CD55: variants seen among roughly 807,000 people sequenced by gnomAD.
CD55 encodes CD55 molecule (Cromer blood group), also known as complement decay-accelerating factor.
CD55 carries 41 observed loss-of-function variants against 45.8 expected under a neutral mutation model. The observed-to-expected ratio is 0.90, with a 90% CI of 0.70 to 1.16. The LOEUF (loss-of-function observed/expected upper bound fraction) is 1.16, where lower values mean the gene tolerates loss of function less well. CD55 is among the 50% of genes most tolerant of loss of function. The probability of loss-of-function intolerance (pLI) is 0.00; values close to 1 mark genes in which losing one functional copy is unlikely to be tolerated. For missense variants in CD55, 416 were observed against 469.8 expected, an observed-to-expected ratio of 0.89 and a Z score of 1.06; for synonymous variants, 181 against 181.1, an observed-to-expected ratio of 1.00 and a Z score of 0.01.
At chr1:207,323,193 GAT>G (rs140125684) in intron 2 of CD55, among the ~76,000 whole-genome samples, 5 of 149,310 alleles carry the variant, frequency 3.3e-5, no homozygotes, top group African/African-American at 9.8e-5. Flanking sequence ...ATATAATTGG[GAT>G]ATATATATAT....
intron 9 of CD55, among the ~76,000 whole-genome samples, chr1:207,341,612 T>C (rs1411931624): frequency 6.6e-6 from 1 of 152,222 alleles, no homozygotes; most frequent in Non-Finnish European, 1.5e-5. Context: ...CATTATTCTG[T>C]GTGCCTGTTT....
At chr1:207,352,154 C>G (rs1655890281) in intron 9 of CD55, among the ~76,000 whole-genome samples, 1 of 150,912 alleles carries the variant, frequency 6.6e-6, no homozygotes, top group Non-Finnish European at 1.5e-5. Flanking sequence ...TGTTACAGAA[C>G]TTTCTAATTT....
At chr1:207,341,196 T>C (rs570819564) in intron 9 of CD55, among the ~76,000 whole-genome samples, 1 of 152,214 alleles carries the variant, frequency 6.6e-6, no homozygotes, top group Non-Finnish European at 1.5e-5. Context: ...TTTATAGATA[T>C]TTTCTTCCAT....
chr1:207,348,590 C>T (rs1655742563), intron 9 of CD55, among the ~76,000 whole-genome samples: 1 of 152,076 alleles, frequency 6.6e-6, no homozygotes, highest in Non-Finnish European at 1.5e-5. Flanking sequence ...TCCCACTTGT[C>T]AATTTTTGTT....
In CD55 at chr1:207,360,144, G is replaced by C. The variant is rs1558162361; in HGVS notation, c.*534G>C. 1 of 152,186 alleles carries C rather than the reference G, an allele frequency of 6.6e-6. No individual in the cohort carries two copies. Among genetic ancestry groups the C allele is most frequent in the Non-Finnish European group, 1.5e-5 (1 of 68,040 alleles). The allele number at this position is 152,186 out of a possible 1,614,324, so 9.4% of individuals were successfully genotyped here. On this transcript the variant is annotated 3_prime_UTR_variant, in exon 10 of 10. Transcript: ENST00000367064. Reference sequence around the variant, plus strand: ...GCAAAATATTTTAAAGGTAAAACATGCTGGTGAACCAGGGGTGTTGATGGT... The same window carrying C: ...GCAAAATATTTTAAAGGTAAAACATCCTGGTGAACCAGGGGTGTTGATGGT...
intron 9 of CD55, among the ~76,000 whole-genome samples, chr1:207,355,460 T>C (rs531197955): frequency 6.6e-6 from 1 of 152,334 alleles, no homozygotes; most frequent in African/African-American, 2.4e-5. Context: ...GATCAACTTA[T>C]TTGACCAATT....
intron 6 of CD55, among the ~76,000 whole-genome samples, chr1:207,334,234 C>A (rs1655073273): frequency 6.6e-6 from 1 of 152,078 alleles, no homozygotes; most frequent in Non-Finnish European, 1.5e-5. Context: ...AAGAAGAAAT[C>A]TTTAAAATAC....
intron 9 of CD55, among the ~76,000 whole-genome samples, chr1:207,359,261 A>G (rs923467795): frequency 5.9e-5 from 9 of 151,908 alleles, no homozygotes; most frequent in Admixed American, 4.6e-4. Context: ...TTAGGAATTC[A>G]TTGACTTTTA....
chr1:207,337,569 G>A, intron 8 of CD55, 160 bp downstream of exon 8: 1 of 445,630 alleles, frequency 2.2e-6, no homozygotes, highest in East Asian at 3.5e-5. Context: ...GACTTGGATT[G>A]TACTAGGGCA....
At chr1:207,350,047 G>A (rs1033369107) in intron 9 of CD55, 2 of 450,726 alleles carry the variant, frequency 4.4e-6, no homozygotes, top group East Asian at 1.4e-4. Context: ...TGCCTAGTTT[G>A]TTGATGACTT....
At position 207,359,647 on chromosome 1, in the gene CD55, A is replaced by T; in HGVS notation, c.*37A>T. ...TTAAGAAGAAAATACACACAAGTATACAGACTGTTCCTAGTTTCTTAGACT... is the reference window on the plus strand; with the variant it reads ...TTAAGAAGAAAATACACACAAGTATTCAGACTGTTCCTAGTTTCTTAGACT... On this transcript the variant is annotated 3_prime_UTR_variant, in exon 10 of 10. Coordinates refer to ENST00000367064, the MANE Select transcript of CD55 (RefSeq NM_000574.5). The T allele has an allele frequency of 6.4e-7, 1 of 1,559,332 alleles. No homozygotes were observed. Among genetic ancestry groups the T allele is most frequent in the Non-Finnish European group, 8.6e-7 (1 of 1,160,548 alleles).
chr1:207,354,975 AGTG>A (rs1405812009), intron 9 of CD55, among the ~76,000 whole-genome samples: 1 of 152,268 alleles, frequency 6.6e-6, no homozygotes, highest in South Asian at 2.1e-4. Context: ...AGATATTGAA[AGTG>A]GTGGAATTAG....
At chr1:207,326,075 C>T (rs948620257) in intron 4 of CD55, among the ~76,000 whole-genome samples, 11 of 152,116 alleles carry the variant, frequency 7.2e-5, no homozygotes, top group Non-Finnish European at 1.5e-4. Flanking sequence ...AATGAATTTG[C>T]ATGAGTTTTT....
At position 207,325,628 on chromosome 1, in the gene CD55, C is replaced by T. The variant is rs149215462; in HGVS notation, c.485C>T (p.Ser162Leu). 270 of 1,599,404 alleles carry T rather than the reference C, an allele frequency of 1.7e-4. No homozygotes were observed. The highest frequency in any genetic ancestry group is 3.3e-4 in the Middle Eastern group (2 of 6,058). Residue 162 changes from serine (S) to leucine (L), a missense_variant, in exon 4 of 10, where the codon TCA becomes TTA. Coordinates refer to ENST00000367064, the MANE Select transcript of CD55 (RefSeq NM_000574.5). The stretch of plus-strand genomic sequence containing the variant: ...AATTTGTATTCTATTCTAGAGAAAT[C>T]ATGCCCTAATCCGGGAGAAATACGA... ...STAVEFCKKK[S>L]CPNPGEIRNG...
chr1:207,325,004 C>T (rs1013020051), intron 3 of CD55, among the ~76,000 whole-genome samples: 2 of 151,992 alleles, frequency 1.3e-5, no homozygotes, highest in African/African-American at 4.8e-5. Flanking sequence ...AAATTCGTTG[C>T]TTTTTCAAAA....
intron 9 of CD55, among the ~76,000 whole-genome samples, chr1:207,344,654 G>A (rs1241007686): frequency 1.3e-5 from 2 of 151,728 alleles, no homozygotes; most frequent in Non-Finnish European, 2.9e-5. Context: ...GCTGTTTTTA[G>A]AACTCTCTCT....
chr1:207,340,919 A>G (rs1224178761), intron 9 of CD55, among the ~76,000 whole-genome samples: 3 of 152,200 alleles, frequency 2.0e-5, no homozygotes, highest in Non-Finnish European at 4.4e-5. Context: ...CCAACAGTAT[A>G]TAAGATTTCC....
At chr1:207,357,419 C>T (rs115267168) in intron 9 of CD55, among the ~76,000 whole-genome samples, 120 of 152,232 alleles carry the variant, frequency 7.9e-4, no homozygotes, top group African/African-American at 2.8e-3. Context: ...ACCAATCTTA[C>T]GTACTTTCTT....
chr1:207,338,291 G>A (rs1243662569), intron 8 of CD55, among the ~76,000 whole-genome samples: 1 of 151,912 alleles, frequency 6.6e-6, no homozygotes, highest in Non-Finnish European at 1.5e-5. Flanking sequence ...ACTCAGCATT[G>A]GTTTTGTGGC....
Sources: gnomAD v4.1 joint callset for allele counts (sites outside exome capture counted in the v4.1 genomes callset) on GRCh38, gnomAD v4.1.1 for gene constraint, MANE v1.5 for transcripts, NCBI Gene and HGNC (gene_info 2026-07-23, HGNC 2026-07-21) for gene names.